The following SUFU variants were observed in gnomAD, a reference collection of about 807,000 sequenced individuals.
SUFU encodes the protein SUFU negative regulator of hedgehog signaling.
A neutral mutation model predicts 58.9 loss-of-function variants in SUFU; 7 were observed. The ratio of observed to expected loss-of-function variants is 0.12; its 90% CI spans 0.07 to 0.22. The LOEUF (loss-of-function observed/expected upper bound fraction) is 0.22, where lower values mean the gene tolerates loss of function less well. Among genes scored for constraint, SUFU ranks in the 10% least tolerant of loss-of-function variants. The probability of loss-of-function intolerance (pLI) is 1.00; values close to 1 mark genes in which losing one functional copy is unlikely to be tolerated. For synonymous variants in SUFU, 232 were observed against 254.8 expected (o/e 0.91, Z 0.85); for missense variants, 451 against 641.3 (o/e 0.70, Z 3.20).
intron 2 of SUFU, among the ~76,000 whole-genome samples, chr10:102,531,721 C>T (rs1287408607): frequency 2.6e-5 from 4 of 152,124 alleles, no homozygotes; most frequent in Non-Finnish European, 4.4e-5. Context: ...AAAGGAATAG[C>T]ATAGGGGATA....
At chr10:102,519,732 A>C (rs898223155) in intron 2 of SUFU, among the ~76,000 whole-genome samples, 12 of 152,036 alleles carry the variant, frequency 7.9e-5, no homozygotes, top group Non-Finnish European at 7.4e-5. Flanking sequence ...AAATTTTTTA[A>C]ATTCCTTTAA....
chr10:102,563,911 T>G (rs1372043953), intron 3 of SUFU, among the ~76,000 whole-genome samples: 1 of 152,158 alleles, frequency 6.6e-6, no homozygotes, highest in African/African-American at 2.4e-5. Flanking sequence ...TCATGGATAC[T>G]TCTCAGCTCT....
chr10:102,553,017 T>G (rs566869037), intron 3 of SUFU, among the ~76,000 whole-genome samples: 1 of 152,194 alleles, frequency 6.6e-6, no homozygotes, highest in South Asian at 2.1e-4. Context: ...ATGGCCCCAC[T>G]TATGGTCGTT....
intron 3 of SUFU, among the ~76,000 whole-genome samples, chr10:102,579,606 G>A (rs902766254): frequency 4.6e-5 from 7 of 152,202 alleles, no homozygotes; most frequent in Non-Finnish European, 1.0e-4. Context: ...CTAGCTGTGC[G>A]ATTCCTTTGA....
chr10:102,616,141 T>C (rs1188216840), intron 9 of SUFU, among the ~76,000 whole-genome samples: 2 of 152,142 alleles, frequency 1.3e-5, no homozygotes, highest in Non-Finnish European at 2.9e-5. Context: ...AGCAAACTCC[T>C]TGAGGGACCA....
intron 3 of SUFU, among the ~76,000 whole-genome samples, chr10:102,572,125 A>G (rs1357007871): frequency 6.6e-6 from 1 of 151,938 alleles, no homozygotes; most frequent in African/African-American, 2.4e-5. Context: ...GAGTGCAATG[A>G]TATGATCTTG....
intron 2 of SUFU, among the ~76,000 whole-genome samples, chr10:102,515,485 C>G (rs2062457684): frequency 6.6e-6 from 1 of 151,568 alleles, no homozygotes; most frequent in African/African-American, 2.4e-5. Context: ...CTGGCTAATT[C>G]TTGTATTTTT....
chr10:102,611,045 C>T (rs2063617702), intron 8 of SUFU, among the ~76,000 whole-genome samples: 1 of 152,194 alleles, frequency 6.6e-6, no homozygotes, highest in African/African-American at 2.4e-5. Flanking sequence ...CTGGTGAGGT[C>T]ACATACTATG....
In SUFU at chr10:102,615,272, C is replaced by T. The variant is rs751728820; in HGVS notation, c.1027C>T (p.Arg343Cys). 54 of 1,614,030 alleles carry T rather than the reference C, an allele frequency of 3.3e-5. No homozygotes were observed. The highest frequency in any genetic ancestry group is 4.3e-5 in the Non-Finnish European group (51 of 1,180,046). Reference protein sequence around the residue: ...NGLAHDRAPSRKDSLESDSST... With the variant: ...NGLAHDRAPSCKDSLESDSST... ...TTTCCTGTGCTTGCTTCACAGGAGC[C>T]GCAAAGACAGCCTGGAAAGTGACAG... The change falls in exon 9 of 12, where the codon CGC (arginine) becomes TGC (cysteine). Residue 343 changes from arginine (R) to cysteine (C), a missense_variant. Transcript: ENST00000369902.
chr10:102,590,287 T>A (rs2063385220), intron 3 of SUFU, among the ~76,000 whole-genome samples: 1 of 147,476 alleles, frequency 6.8e-6, no homozygotes, highest in African/African-American at 2.5e-5. Context: ...TGCCTCAGCC[T>A]CCCGAGTAGC....
rs746555296 is a variant in SUFU at position 102,504,158 on chromosome 10, G to A, written c.6G>A (p.Ala2=). M[A]ELRPSGAPGP... is the part of the protein sequence containing the mutation. The stretch of plus-strand genomic sequence containing the variant: ...TGCCTGCCCTACGCACCCCGATGGC[G>A]GAGCTGCGGCCTAGCGGCGCCCCCG... The change falls in exon 1 of 12, where the codon GCG becomes GCA. Residue 2 remains alanine, a synonymous_variant. Coordinates refer to ENST00000369902, the MANE Select transcript of SUFU (RefSeq NM_016169.4). The A allele has an allele frequency of 9.7e-6, 15 of 1,543,876 alleles. No individual in the cohort carries two copies. The highest frequency in any genetic ancestry group is 1.3e-5 in the Non-Finnish European group (15 of 1,146,276).
chr10:102,573,534 C>T (rs1338248444), intron 3 of SUFU, among the ~76,000 whole-genome samples: 1 of 152,152 alleles, frequency 6.6e-6, no homozygotes, highest in African/African-American at 2.4e-5. Context: ...TATTTGTGCA[C>T]CAGTTTTCAT....
chr10:102,558,502 C>T (rs572492592), intron 3 of SUFU, among the ~76,000 whole-genome samples: 13 of 152,314 alleles, frequency 8.5e-5, no homozygotes, highest in South Asian at 8.3e-4. Flanking sequence ...CGAGCCACTG[C>T]GCCCAGCCAA....
intron 2 of SUFU, among the ~76,000 whole-genome samples, chr10:102,525,140 T>A (rs2062595582): frequency 6.6e-6 from 1 of 152,220 alleles, no homozygotes; most frequent in African/African-American, 2.4e-5. Flanking sequence ...AGACGGAGTC[T>A]CTCTCTGTCG....
chr10:102,572,977 T>A (rs1006182477), intron 3 of SUFU: 1 of 1,347,484 alleles, frequency 7.4e-7, no homozygotes, highest in African/African-American at 1.4e-5. Flanking sequence ...CATGGCAGAC[T>A]CAGTGGTCAG....
chr10:102,583,855 C>A (rs895974271), intron 3 of SUFU, among the ~76,000 whole-genome samples: 6 of 152,230 alleles, frequency 3.9e-5, no homozygotes, highest in Middle Eastern at 3.4e-3. Flanking sequence ...ATCCCTCCCC[C>A]CTCTCCCCAC....
At chr10:102,601,779 C>T (rs1442269309) in intron 8 of SUFU, among the ~76,000 whole-genome samples, 1 of 152,280 alleles carries the variant, frequency 6.6e-6, no homozygotes, top group East Asian at 1.9e-4. Flanking sequence ...ATTTCACATA[C>T]ACCACATGGA....
chr10:102,565,535 T>C (rs962921525), intron 3 of SUFU, among the ~76,000 whole-genome samples: 2 of 152,212 alleles, frequency 1.3e-5, no homozygotes, highest in Non-Finnish European at 2.9e-5. Context: ...TTGAAACTCT[T>C]AGTAGAAAGA....
chr10:102,589,128 C>G (rs900833467), intron 3 of SUFU, among the ~76,000 whole-genome samples: 9 of 151,982 alleles, frequency 5.9e-5, no homozygotes, highest in African/African-American at 1.9e-4. Flanking sequence ...TGTTCTTGCT[C>G]TGTTGCCTAG....
Sources: allele counts gnomAD v4.1 joint callset (sites outside exome capture counted in the v4.1 genomes callset), GRCh38; gene constraint gnomAD v4.1.1; transcripts MANE v1.5; gene names NCBI Gene and HGNC (gene_info 2026-07-23, HGNC 2026-07-21).